The following ADK variants were observed in gnomAD, a reference collection of about 807,000 sequenced individuals.
ADK encodes the protein adenosine kinase.
A neutral mutation model predicts 44.7 loss-of-function variants in ADK; 24 were observed. The ratio of observed to expected loss-of-function variants is 0.54; its 90% confidence interval spans 0.39 to 0.76. The LOEUF (loss-of-function observed/expected upper bound fraction) is 0.76. Ranked by LOEUF, ADK falls within the 30% of genes least tolerant of loss-of-function variation. The pLI, the probability that ADK is intolerant of heterozygous loss-of-function variation, is 0.00. For synonymous variants in ADK, 128 were observed against 142.6 expected (o/e 0.90, Z 0.73); for missense variants, 321 against 425.1 (o/e 0.76, Z 2.15).
chr10:74,398,317 A>G (rs542685830), intron 5 of ADK, among the ~76,000 whole-genome samples, 154 bp from the exon 6 acceptor site: 1 of 152,016 alleles, frequency 6.6e-6, no homozygotes, highest in Non-Finnish European at 1.5e-5. Flanking sequence ...AAACAAAATT[A>G]TTATTTATAT....
intron 1 of ADK, chr10:74,176,553 T>A: frequency 7.5e-7 from 1 of 1,327,222 alleles, no homozygotes; most frequent in Non-Finnish European, 9.7e-7. Flanking sequence ...GGGACGCTGT[T>A]ACTAGGACTC....
At chr10:74,639,736 T>C (rs1183089957) in intron 9 of ADK, among the ~76,000 whole-genome samples, 3 of 152,112 alleles carry the variant, frequency 2.0e-5, no homozygotes, top group Non-Finnish European at 2.9e-5. Context: ...CATGGCAGAC[T>C]GAGGCAGGAG....
intron 3 of ADK, among the ~76,000 whole-genome samples, chr10:74,273,035 A>G (rs1846498768): frequency 6.6e-6 from 1 of 152,154 alleles, no homozygotes; most frequent in South Asian, 2.1e-4. Flanking sequence ...AAAATGGTTG[A>G]AACAGGAGTT....
intron 1 of ADK, among the ~76,000 whole-genome samples, chr10:74,184,220 G>T (rs1403673936): frequency 6.6e-6 from 1 of 152,176 alleles, no homozygotes; most frequent in African/African-American, 2.4e-5. Flanking sequence ...GCCCGGCAGA[G>T]ATTTTTATTT....
At chr10:74,365,093 C>T (rs1452929476) in intron 4 of ADK, among the ~76,000 whole-genome samples, 1 of 152,068 alleles carries the variant, frequency 6.6e-6, no homozygotes, top group East Asian at 1.9e-4. Context: ...TTAAAAACAG[C>T]CTTATCATTA....
chr10:74,208,577 A>G (rs893646847), intron 2 of ADK, among the ~76,000 whole-genome samples: 3 of 152,208 alleles, frequency 2.0e-5, no homozygotes, highest in Admixed American at 1.3e-4. Context: ...CCTAACAATA[A>G]AAGAGTCTTC....
At chr10:74,428,350 ATGT>A (rs1265999787) in intron 6 of ADK, among the ~76,000 whole-genome samples, 3 of 152,202 alleles carry the variant, frequency 2.0e-5, no homozygotes, top group Non-Finnish European at 4.4e-5. Context: ...AACCTAGAAC[ATGT>A]TGTAATGCCA....
At chr10:74,330,958 T>C (rs1841196301) in intron 4 of ADK, among the ~76,000 whole-genome samples, 1 of 152,238 alleles carries the variant, frequency 6.6e-6, no homozygotes, top group Non-Finnish European at 1.5e-5. Flanking sequence ...AAAATAACTT[T>C]CAGACATTGT....
intron 9 of ADK, among the ~76,000 whole-genome samples, chr10:74,604,034 C>T (rs192927511): frequency 1.1e-4 from 16 of 152,128 alleles, no homozygotes; most frequent in African/African-American, 1.4e-4. Flanking sequence ...GTTTGTTGGC[C>T]GCATAAATAT....
intron 3 of ADK, among the ~76,000 whole-genome samples, chr10:74,277,613 A>G (rs1192248632): frequency 6.6e-6 from 1 of 151,798 alleles, no homozygotes; most frequent in Non-Finnish European, 1.5e-5. Context: ...GTTAGCCCGG[A>G]TGGTCTCGAT....
In ADK at chr10:74,168,550, AAG is replaced by A. The variant is rs1254332225; in HGVS notation, c.65+17209_65+17210del. Among the ~76,000 whole-genome samples, 1,459 of 148,716 alleles carry A rather than the reference AAG, an allele frequency of 9.8e-3. 57 individuals carry two copies. Among genetic ancestry groups the A allele is most frequent in the African/African-American group, 0.035 (1,379 of 39,064 alleles). On this transcript the variant is annotated intron_variant, in intron 1 of 10. Transcript: ENST00000539909. The stretch of plus-strand genomic sequence containing the variant: ...CGAGACTGTCTCAAAAAAAAAAAAA[AAG>A]AAAGAAAGAAAAAAAAGATTGTGAA...
chr10:74,558,283 G>A lies in ADK; in HGVS notation c.727-30999G>A, dbSNP rs1368931800. Among the ~76,000 whole-genome samples the A allele has an allele frequency of 2.6e-5, 4 of 152,122 alleles. No individual in the cohort carries two copies. The East Asian group carries it at 5.8e-4, about 22-fold the overall frequency. Reference sequence around the variant, plus strand: ...CACGTTCATAGCTCACTGCAGTCTCGAACTCCTGGCCTCAGGCAATCCTCC... The same window carrying A: ...CACGTTCATAGCTCACTGCAGTCTCAAACTCCTGGCCTCAGGCAATCCTCC... On this transcript the variant is annotated intron_variant, in intron 7 of 10. Transcript: ENST00000539909.
intron 4 of ADK, among the ~76,000 whole-genome samples, chr10:74,329,106 C>CAAA (rs138730631): frequency 3.2e-4 from 26 of 82,118 alleles, no homozygotes; most frequent in East Asian, 1.2e-3. Flanking sequence ...TCTGTGCAGG[C>CAAA]AAAAAAAAAA....
At chr10:74,625,066 A>G (rs1853136846) in intron 9 of ADK, among the ~76,000 whole-genome samples, 1 of 152,190 alleles carries the variant, frequency 6.6e-6, no homozygotes, top group Admixed American at 6.5e-5. Flanking sequence ...TGCCTACTGT[A>G]TGTCAAGAAT....
intron 10 of ADK, among the ~76,000 whole-genome samples, chr10:74,694,669 A>G (rs1457814075): frequency 2.0e-5 from 3 of 151,982 alleles, no homozygotes; most frequent in African/African-American, 7.3e-5. Flanking sequence ...TTTTGTAGAT[A>G]CAGGGTCTTG....
intron 3 of ADK, among the ~76,000 whole-genome samples, chr10:74,257,930 A>G (rs1845888631): frequency 1.3e-5 from 2 of 152,180 alleles, no homozygotes; most frequent in South Asian, 2.1e-4. Context: ...AACTCAGGGG[A>G]GTTAGCAATT....
At chr10:74,679,558 C>T (rs918912379) in intron 10 of ADK, among the ~76,000 whole-genome samples, 4 of 151,550 alleles carry the variant, frequency 2.6e-5, no homozygotes, top group Non-Finnish European at 5.9e-5. Flanking sequence ...TTCATAAATT[C>T]TACAAAATTA....
At chr10:74,341,667 T>C (rs1420485579) in intron 4 of ADK, among the ~76,000 whole-genome samples, 8 of 152,232 alleles carry the variant, frequency 5.3e-5, no homozygotes, top group Non-Finnish European at 8.8e-5. Flanking sequence ...CCAGTGTATG[T>C]TGGCTCTCAT....
chr10:74,189,311 TATTGTGTAC>T, intron 1 of ADK, among the ~76,000 whole-genome samples: 1 of 152,182 alleles, frequency 6.6e-6, no homozygotes, highest in East Asian at 1.9e-4. Context: ...GTTGTTGACA[TATTGTGTAC>T]ATATCTGTAC....
Sources: gnomAD v4.1 joint callset for allele counts (sites outside exome capture counted in the v4.1 genomes callset) on GRCh38, gnomAD v4.1.1 for gene constraint, MANE v1.5 for transcripts, NCBI Gene and HGNC (gene_info 2026-07-23, HGNC 2026-07-21) for gene names.